The following ROR2 variants were observed in gnomAD, a reference collection of about 807,000 sequenced individuals.
The protein encoded by ROR2 is ROR family WNT receptor 2.
Under a neutral mutation model 74.9 loss-of-function variants are expected in ROR2, and 33 were observed. The observed-to-expected ratio is 0.44, with a 90% CI of 0.33 to 0.59. The LOEUF (loss-of-function observed/expected upper bound fraction) is 0.59, where lower values mean the gene tolerates loss of function less well. Among genes scored for constraint, ROR2 ranks in the 20% least tolerant of loss-of-function variants. The pLI, the probability that ROR2 is intolerant of heterozygous loss-of-function variation, is 0.02. For synonymous variants in ROR2, 586 were observed against 558.7 expected, an observed-to-expected ratio of 1.05 and a Z score of -0.69; for missense variants, 1,216 against 1,313.8, an observed-to-expected ratio of 0.93 and a Z score of 1.15.
intron 1 of ROR2, among the ~76,000 whole-genome samples, chr9:91,949,533 TC>T (rs1164571160): frequency 1.3e-5 from 2 of 150,242 alleles, no homozygotes; most frequent in African/African-American, 4.9e-5. Context: ...CGGACTCGGG[TC>T]CCGGGCCCAG....
intron 2 of ROR2, among the ~76,000 whole-genome samples, chr9:91,766,125 G>A (rs545366164): frequency 7.9e-5 from 12 of 152,272 alleles, no homozygotes; most frequent in Middle Eastern, 6.8e-3. Context: ...CCACGTCTTG[G>A]TGCCCTCTCT....
intron 1 of ROR2, among the ~76,000 whole-genome samples, chr9:91,889,455 G>A (rs1367878898): frequency 6.6e-6 from 1 of 152,202 alleles, no homozygotes; most frequent in Non-Finnish European, 1.5e-5. Context: ...ACGTGGTTGG[G>A]GGGTGCCTCG....
At chr9:91,760,399 C>T (rs751857603) in intron 2 of ROR2, among the ~76,000 whole-genome samples, 9 of 151,998 alleles carry the variant, frequency 5.9e-5, no homozygotes, top group Non-Finnish European at 1.0e-4. Context: ...TCTGGGAGGC[C>T]GAAGCGAGTG....
chr9:91,871,263 C>T (rs1829787005), intron 1 of ROR2, among the ~76,000 whole-genome samples: 1 of 151,984 alleles, frequency 6.6e-6, no homozygotes, highest in African/African-American at 2.4e-5. Context: ...ATATATATCA[C>T]TGTGTGTGTT....
At chr9:91,759,344 A>C (rs1049071569) in intron 2 of ROR2, among the ~76,000 whole-genome samples, 1 of 152,208 alleles carries the variant, frequency 6.6e-6, no homozygotes, top group African/African-American at 2.4e-5. Flanking sequence ...TAACATCATT[A>C]GGTTCTACCT....
At chr9:91,879,914 C>A (rs1830058878) in intron 1 of ROR2, among the ~76,000 whole-genome samples, 1 of 151,956 alleles carries the variant, frequency 6.6e-6, no homozygotes, top group African/African-American at 2.4e-5. Flanking sequence ...TGAGAAGATT[C>A]TCAGAAATGT....
intron 7 of ROR2, among the ~76,000 whole-genome samples, chr9:91,728,877 C>T (rs917280395): frequency 6.6e-6 from 1 of 152,194 alleles, no homozygotes; most frequent in African/African-American, 2.4e-5. Flanking sequence ...CTCCACAGCA[C>T]AGGCGTCTCC....
intron 1 of ROR2, among the ~76,000 whole-genome samples, chr9:91,881,151 TG>T (rs1830100312): frequency 6.6e-6 from 1 of 152,186 alleles, no homozygotes; most frequent in Non-Finnish European, 1.5e-5. Flanking sequence ...AAATATAACT[TG>T]GAAAAACTGA....
chr9:91,744,281 A>C (rs372159768), intron 4 of ROR2, among the ~76,000 whole-genome samples: 1 of 125,950 alleles, frequency 7.9e-6, no homozygotes, highest in African/African-American at 3.1e-5. Context: ...GCTGGAGTGC[A>C]GTATCACGAT....
intron 4 of ROR2, among the ~76,000 whole-genome samples, chr9:91,746,362 C>T (rs1825418129): frequency 6.6e-6 from 1 of 152,212 alleles, no homozygotes; most frequent in South Asian, 2.1e-4. Flanking sequence ...CAGGCCTGAG[C>T]CACCATGCCT....
At chr9:91,878,305 C>T (rs1311880396) in intron 1 of ROR2, among the ~76,000 whole-genome samples, 1 of 152,278 alleles carries the variant, frequency 6.6e-6, no homozygotes, top group South Asian at 2.1e-4. Context: ...TGGGCTCCTT[C>T]GCACCTCCAT....
In ROR2 at chr9:91,943,397, A is replaced by G. The variant is rs149596653; in HGVS notation, c.97+6470T>C. 6.1e-3 allele frequency among the ~76,000 whole-genome samples: 931 copies of G among 152,074 alleles called. 4 individuals carry two copies. Among genetic ancestry groups the G allele is most frequent in the Middle Eastern group, 0.01 (3 of 286 alleles). The stretch of plus-strand genomic sequence containing the variant: ...ATTTAACATAATATATACCAAATAT[A>G]TATATAAATGAAAGCATGAGTTACA... On this transcript the variant is annotated intron_variant, in intron 1 of 8. Coordinates refer to ENST00000375708, the MANE Select transcript of ROR2 (RefSeq NM_004560.4).
intron 1 of ROR2, among the ~76,000 whole-genome samples, chr9:91,792,896 C>T (rs1414045801): frequency 6.6e-6 from 1 of 152,044 alleles, no homozygotes; most frequent in East Asian, 1.9e-4. Flanking sequence ...TTATTAAAAA[C>T]AAAAACAAAA....
chr9:91,745,426 ATTTTTTTTTT>A (rs72432798), intron 4 of ROR2, among the ~76,000 whole-genome samples: 3 of 99,760 alleles, frequency 3.0e-5, no homozygotes, highest in African/African-American at 1.3e-4. Flanking sequence ...TGCCCAGCCT[ATTTTTTTTTT>A]TTTTTTTTTT....
At chr9:91,884,958 A>C (rs1830229519) in intron 1 of ROR2, among the ~76,000 whole-genome samples, 1 of 152,074 alleles carries the variant, frequency 6.6e-6, no homozygotes, top group South Asian at 2.1e-4. Context: ...TTAACTTGGT[A>C]TTTTCTGTGT....
intron 1 of ROR2, among the ~76,000 whole-genome samples, chr9:91,892,914 T>C (rs1830457738): frequency 1.3e-5 from 2 of 152,142 alleles, no homozygotes; most frequent in Admixed American, 1.3e-4. Context: ...TTTTGTACTA[T>C]CCTTGTGAGG....
Position 91,737,432 on chromosome 9 carries a change from T to C in ROR2, c.581A>G (p.Asp194Gly). 6.2e-7 allele frequency: 1 copy of C among 1,614,066 alleles called. No homozygotes were observed. The highest frequency in any genetic ancestry group is 8.5e-7 in the Non-Finnish European group (1 of 1,180,026). The change falls in exon 5 of 9, where the codon GAC (aspartate) becomes GGC (glycine). Residue 194 changes from aspartate to glycine, a missense_variant. Coordinates refer to ENST00000375708, the MANE Select transcript of ROR2 (RefSeq NM_004560.4). ...RFIGNRTIYV[D>G]SLQMQGEIEN... ...AATCTCCCCCTGCATCTGAAGCGAG[T>C]CCACATAAATGGTCCGGTTGCCAAT...
chr9:91,724,205 C>G lies in ROR2; in HGVS notation c.2289G>C (p.Gly763=). 1 of 1,613,120 alleles carries G rather than the reference C, an allele frequency of 6.2e-7. No homozygotes were observed. The highest frequency in any genetic ancestry group is 8.5e-7 in the Non-Finnish European group (1 of 1,180,020). The change falls in exon 9 of 9, where the codon GGG becomes GGC. Residue 763 remains glycine, a synonymous_variant. Coordinates refer to ENST00000375708, the MANE Select transcript of ROR2 (RefSeq NM_004560.4). ...AGCTGGTCTGCGTGGTGTTGCTGGC[C>G]CCCGAGGTCTGCGCCGAGCTGTTGT... ...SNYNSSAQTS[G]ASNTTQTSSL... is the part of the protein sequence containing the mutation.
chr9:91,880,492 TA>T (rs1257433908), intron 1 of ROR2, among the ~76,000 whole-genome samples: 1 of 152,158 alleles, frequency 6.6e-6, no homozygotes, highest in Non-Finnish European at 1.5e-5. Flanking sequence ...CTAATACAAG[TA>T]AATCCATGAA....
Sources: allele counts gnomAD v4.1 joint callset (sites outside exome capture counted in the v4.1 genomes callset), GRCh38; gene constraint gnomAD v4.1.1; transcripts MANE v1.5; gene names NCBI Gene and HGNC (gene_info 2026-07-23, HGNC 2026-07-21).